PCDH10: variants seen among roughly 807,000 people sequenced by gnomAD.
PCDH10 encodes the protein protocadherin-10.
A neutral mutation model predicts 74.4 loss-of-function variants in PCDH10; 15 were observed. The observed-to-expected ratio is 0.20, with a 90% CI of 0.13 to 0.31. PCDH10 has a LOEUF of 0.31. PCDH10 is among the 10% of genes least tolerant of loss of function. The pLI, the probability that PCDH10 is intolerant of heterozygous loss-of-function variation, is 1.00. For missense variants in PCDH10, 1,260 were observed against 1,390.2 expected, an observed-to-expected ratio of 0.91 and a Z score of 1.49; for synonymous variants, 619 against 589.8, an observed-to-expected ratio of 1.05 and a Z score of -0.72.
chr4:133,195,416 A>G (rs781051272), downstream of PCDH10, among the ~76,000 whole-genome samples: 2 of 151,842 alleles, frequency 1.3e-5, no homozygotes, highest in African/African-American at 2.4e-5. Flanking sequence ...ATAGTTCTCA[A>G]TGAAAGGTTA....
chr4:133,151,446 C>G lies in PCDH10; in HGVS notation c.1306C>G (p.Arg436Gly). 6.2e-7 allele frequency: 1 copy of G among 1,613,686 alleles called. No individual in the cohort carries two copies. Among genetic ancestry groups the G allele is most frequent in the Non-Finnish European group, 8.5e-7 (1 of 1,179,982 alleles). The part of the protein sequence containing the change: ...GDSYTLTVVA[R>G]DRGEPALSTS... ...CTCCTACACCCTGACTGTAGTGGCTCGGGACCGGGGCGAGCCTGCGCTCTC... is the reference window on the plus strand; with the variant it reads ...CTCCTACACCCTGACTGTAGTGGCTGGGGACCGGGGCGAGCCTGCGCTCTC... The change falls in exon 1 of 5, where the codon CGG becomes GGG. Residue 436 changes from arginine to glycine, a missense_variant. Transcript: ENST00000264360.
At chr4:133,182,694 C>T (rs1241831706) in intron 4 of PCDH10, among the ~76,000 whole-genome samples, 1 of 152,014 alleles carries the variant, frequency 6.6e-6, no homozygotes, top group African/African-American at 2.4e-5. Flanking sequence ...AGGGTCAGAA[C>T]ATCTGAAAAA....
intron 2 of PCDH10, 125 bp downstream of exon 2, chr4:133,154,490 A>T (rs1726819826): frequency 1.7e-6 from 1 of 592,846 alleles, no homozygotes; most frequent in Admixed American, 3.5e-5. Flanking sequence ...GCAGGACATA[A>T]ATATGAACTA....
At chr4:133,189,035 T>C (rs749527885) in intron 4 of PCDH10, among the ~76,000 whole-genome samples, 1 of 152,058 alleles carries the variant, frequency 6.6e-6, no homozygotes, top group Non-Finnish European at 1.5e-5. Context: ...AACTGTTTCA[T>C]GGTCAGAAAC....
rs1253039113 is a variant in PCDH10, at chr4:133,151,586, C to T, written c.1446C>T (p.Ile482=). Residue 482 remains isoleucine, a synonymous_variant, in exon 1 of 5, where the codon ATC becomes ATT. Transcript: ENST00000264360. ...VTENNVPGAY[I]YAVSATDRDE... is the part of the protein sequence containing the mutation. ...AAAACAACGTGCCTGGCGCCTACAT[C>T]TACGCGGTGAGCGCCACCGACCGGG... is the stretch of plus-strand genomic sequence containing the variant. The T allele has an allele frequency of 9.9e-6, 16 of 1,613,890 alleles. No individual in the cohort carries two copies. The highest frequency in any genetic ancestry group is 1.4e-5 in the Non-Finnish European group (16 of 1,180,034).
chr4:133,150,528 G>A lies in PCDH10; in HGVS notation c.388G>A (p.Glu130Lys), dbSNP rs757165208. The A allele has an allele frequency of 6.2e-7, 1 of 1,613,792 alleles. No homozygotes were observed. Among genetic ancestry groups the A allele is most frequent in the Non-Finnish European group, 8.5e-7 (1 of 1,179,950 alleles). ...TTTCCCGGAGCCAGACCTGACGGTG[G>A]AAATCTCTGAGAGCGCCACGCCAGG... ...PSFPEPDLTV[E>K]ISESATPGTR... Residue 130 changes from glutamate (E) to lysine (K), a missense_variant, in exon 1 of 5, where the codon GAA becomes AAA. Transcript: ENST00000264360.
chr4:133,199,281 C>T (rs1325124710), downstream of PCDH10, among the ~76,000 whole-genome samples: 6 of 116,498 alleles, frequency 5.2e-5, no homozygotes, highest in East Asian at 1.3e-3. Context: ...GAGTGAAACC[C>T]TGTCTCAAAA....
At chr4:133,200,588 A>T (rs1727885266) in intron 2 of PCDH10, among the ~76,000 whole-genome samples, 1 of 152,174 alleles carries the variant, frequency 6.6e-6, no homozygotes, top group South Asian at 2.1e-4. Context: ...CTTTACTAGC[A>T]ATTAATCTTA....
chr4:133,189,777 A>G (rs1248555890), intron 4 of PCDH10, among the ~76,000 whole-genome samples: 2 of 152,034 alleles, frequency 1.3e-5, no homozygotes, highest in Non-Finnish European at 2.9e-5. Context: ...TTTGCTAGAA[A>G]CTTTTTCTAG....
At chr4:133,172,097 C>T (rs1026507921) in intron 4 of PCDH10, among the ~76,000 whole-genome samples, 4 of 152,010 alleles carry the variant, frequency 2.6e-5, no homozygotes, top group Non-Finnish European at 5.9e-5. Flanking sequence ...CCATGTTTTC[C>T]ATCACTCAGC....
At chr4:133,182,668 A>T (rs1727441743) in intron 4 of PCDH10, among the ~76,000 whole-genome samples, 1 of 152,070 alleles carries the variant, frequency 6.6e-6, no homozygotes, top group Non-Finnish European at 1.5e-5. Flanking sequence ...TACATTTCCT[A>T]AATGTACACC....
At chr4:133,160,766 A>G in intron 3 of PCDH10, among the ~76,000 whole-genome samples, 1 of 151,988 alleles carries the variant, frequency 6.6e-6, no homozygotes, top group African/African-American at 2.4e-5. Context: ...CGTGAAGAAA[A>G]ATGATATTAG....
At chr4:133,198,669 T>G (rs766659028), downstream of PCDH10, among the ~76,000 whole-genome samples, 1 of 152,164 alleles carries the variant, frequency 6.6e-6, no homozygotes, top group African/African-American at 2.4e-5. Flanking sequence ...AGGGGAAAAT[T>G]GGTGACACCA....
chr4:133,192,764 C>A lies in PCDH10; in HGVS notation c.*2604C>A, dbSNP rs1727706889. On this transcript the variant is annotated 3_prime_UTR_variant, in exon 5 of 5. Coordinates refer to ENST00000264360, the MANE Select transcript of PCDH10 (RefSeq NM_032961.3). ...TGCATCCAAAGTAAATTAGAAGTTACAACAGAGTAAGGATATGATTCTTGT... is the reference window on the plus strand; with the variant it reads ...TGCATCCAAAGTAAATTAGAAGTTAAAACAGAGTAAGGATATGATTCTTGT... 6.6e-6 allele frequency: 1 copy of A among 151,452 alleles called. No homozygotes were observed. Among genetic ancestry groups the A allele is most frequent in the South Asian group, 2.1e-4 (1 of 4,822 alleles). The allele number at this position is 151,452 out of a possible 1,614,324, so 9.4% of individuals were successfully genotyped here.
chr4:133,174,033 T>G (rs1177239722), intron 4 of PCDH10, among the ~76,000 whole-genome samples: 1 of 151,952 alleles, frequency 6.6e-6, no homozygotes, highest in African/African-American at 2.4e-5. Context: ...CTTAACCTTG[T>G]CTAATATTGA....
Position 133,152,220 on chromosome 4 carries a change from G to A in PCDH10, c.2080G>A (p.Gly694Arg), listed in dbSNP as rs141560250. ...EPQGGGGSGG[G>R]GSGEHQRPSR... is the part of the protein sequence containing the mutation. ...CCAGGGCGGGGGCGGGAGCGGAGGC[G>A]GAGGGTCAGGAGAGCACCAGCGCCC... is the stretch of plus-strand genomic sequence containing the variant. The change falls in exon 1 of 5, where the codon GGA becomes AGA. Residue 694 changes from glycine to arginine, a missense_variant. Transcript: ENST00000264360. 1.3e-6 allele frequency: 2 copies of A among 1,592,660 alleles called. No individual in the cohort carries two copies. Among genetic ancestry groups the A allele is most frequent in the Non-Finnish European group, 1.7e-6 (2 of 1,168,688 alleles).
At chr4:133,166,043 GAAT>G (rs1396116248) in intron 4 of PCDH10, among the ~76,000 whole-genome samples, 5 of 151,590 alleles carry the variant, frequency 3.3e-5, no homozygotes, top group African/African-American at 1.2e-4. Flanking sequence ...TAAAAATCAG[GAAT>G]AATTTTGAAC....
rs1017969260 is a variant in PCDH10 at position 133,191,370 on chromosome 4, A to T, written c.*1210A>T. The T allele has an allele frequency of 6.6e-6, 1 of 152,260 alleles. No homozygotes were observed. The highest frequency in any genetic ancestry group is 1.5e-5 in the Non-Finnish European group (1 of 67,812). 9.4% of individuals were successfully genotyped at this position (152,260 alleles called of 1,614,324 possible). On this transcript the variant is annotated 3_prime_UTR_variant, in exon 5 of 5. Coordinates refer to ENST00000264360, the MANE Select transcript of PCDH10 (RefSeq NM_032961.3). Reference sequence around the variant, plus strand: ...ACATCTGAACTGGTAAAGAATAACTATAAAATATGAAAGCTCTAAATTTAA... The same window carrying T: ...ACATCTGAACTGGTAAAGAATAACTTTAAAATATGAAAGCTCTAAATTTAA...
intron 3 of PCDH10, among the ~76,000 whole-genome samples, chr4:133,158,603 C>A (rs1413931156): frequency 6.6e-6 from 1 of 151,968 alleles, no homozygotes; most frequent in African/African-American, 2.4e-5. Flanking sequence ...TTTGATTGGT[C>A]AATAATTTCA....
Sources: gnomAD v4.1 joint callset for allele counts (sites outside exome capture counted in the v4.1 genomes callset) on GRCh38, gnomAD v4.1.1 for gene constraint, MANE v1.5 for transcripts, NCBI Gene and HGNC (gene_info 2026-07-23, HGNC 2026-07-21) for gene names.